ADGRE2: variants seen among roughly 807,000 people sequenced by gnomAD.
ADGRE2 encodes adhesion G protein-coupled receptor E2.
ADGRE2 carries 83 observed loss-of-function variants against 100.8 expected under a neutral mutation model. The ratio of observed to expected loss-of-function variants is 0.82; its 90% CI spans 0.69 to 0.99. ADGRE2 has a LOEUF of 0.99. ADGRE2 is among the 50% of genes least tolerant of loss of function. The pLI is 0.00. For synonymous variants in ADGRE2, 355 were observed against 413.0 expected (o/e 0.86, Z 1.70); for missense variants, 814 against 1,035.7 (o/e 0.79, Z 2.94).
intron 20 of ADGRE2, among the ~76,000 whole-genome samples, chr19:14,740,621 CAAAAAAAAA>C (rs3057546): frequency 8.1e-6 from 1 of 124,058 alleles, no homozygotes; most frequent in Non-Finnish European, 1.7e-5. Context: ...AACTCCGTCT[CAAAAAAAAA>C]AAAAAAAGAA....
chr19:14,769,452 G>A (rs16979867), intron 5 of ADGRE2, among the ~76,000 whole-genome samples: 4,356 of 152,094 alleles, frequency 0.029, 208 homozygotes, highest in African/African-American at 0.1. Flanking sequence ...TGTGACACCA[G>A]GTAGACAAAA....
In ADGRE2 at chr19:14,776,701, C is replaced by G. The variant is rs747962882; in HGVS notation, c.31+25G>C. ...CCGCTGGAGCTTCCTCGCTACCACCCCCAGCGGGGCCCCAAAGTACTTACC... is the reference window on the plus strand; with the variant it reads ...CCGCTGGAGCTTCCTCGCTACCACCGCCAGCGGGGCCCCAAAGTACTTACC... On this transcript the variant is annotated intron_variant, in intron 2 of 20. Coordinates refer to ENST00000315576, the MANE Select transcript of ADGRE2 (RefSeq NM_013447.4). 5.0e-6 allele frequency: 8 copies of G among 1,608,910 alleles called. No homozygotes were observed. The East Asian group carries it at 1.6e-4, about 32-fold the overall frequency.
chr19:14,748,659 G>A (rs572888573), intron 16 of ADGRE2, among the ~76,000 whole-genome samples: 12 of 152,182 alleles, frequency 7.9e-5, no homozygotes, highest in South Asian at 2.1e-4. Context: ...TGTGGACATC[G>A]TTTTCATTTG....
chr19:14,776,650 C>G, intron 2 of ADGRE2, 76 bp downstream of exon 2: 1 of 1,508,078 alleles, frequency 6.6e-7, no homozygotes, highest in Non-Finnish European at 9.0e-7. Context: ...CGGCGCCTCC[C>G]GTTTCTCAGA....
intron 5 of ADGRE2, among the ~76,000 whole-genome samples, chr19:14,770,947 T>C (rs2044184110): frequency 6.6e-6 from 1 of 152,170 alleles, no homozygotes; most frequent in Non-Finnish European, 1.5e-5. Flanking sequence ...CCCAAAGTGC[T>C]GGGATTACAG....
At position 14,753,450 on chromosome 19, in the gene ADGRE2, G is replaced by A. The variant is rs142505719; in HGVS notation, c.1591-924C>T. The stretch of plus-strand genomic sequence containing the variant: ...AAAGGGTGGTTTGGCCCTTTCTCCC[G>A]CAGGATATGATGATGATGTCCCTTG... On this transcript the variant is annotated intron_variant, in intron 14 of 20. Transcript: ENST00000315576. 2.4e-4 allele frequency among the ~76,000 whole-genome samples: 37 copies of A among 152,098 alleles called. No individual in the cohort carries two copies. In the East Asian group the frequency reaches 5.4e-3, roughly 22 times the overall value.
chr19:14,774,593 C>T (rs1440270194), intron 2 of ADGRE2, among the ~76,000 whole-genome samples: 1 of 151,206 alleles, frequency 6.6e-6, no homozygotes, highest in Non-Finnish European at 1.5e-5. Flanking sequence ...ACTGCAGCCT[C>T]CAATTCCTAG....
At position 14,738,630 on chromosome 19, in the gene ADGRE2, G is replaced by A. The variant is rs571300881; in HGVS notation, c.2464-2386C>T. 3.3e-5 allele frequency among the ~76,000 whole-genome samples: 5 copies of A among 151,950 alleles called. No homozygotes were observed. The East Asian group carries it at 5.8e-4, about 18-fold the overall frequency. On this transcript the variant is annotated intron_variant, in intron 20 of 20. Coordinates refer to ENST00000315576, the MANE Select transcript of ADGRE2 (RefSeq NM_013447.4). ...TGAGCTAAAGTGATCTGCCTGCCTC[G>A]GCCTCCCAAAGTGCTGGGATTACAA...
chr19:14,764,662 T>G lies in ADGRE2; in HGVS notation c.907-52A>C, dbSNP rs373487426. 267 of 1,538,056 alleles carry G rather than the reference T, an allele frequency of 1.7e-4. No homozygotes were observed. In the African/African-American group the frequency reaches 3.4e-3, roughly 19 times the overall value. On this transcript the variant is annotated intron_variant, in intron 10 of 20. Coordinates refer to ENST00000315576, the MANE Select transcript of ADGRE2 (RefSeq NM_013447.4). ...TGAGCCATGGGCCAGAGGGCCCGCA[T>G]GAAGACTCCAACCGCTCAGCCCCAG...
At chr19:14,731,426 A>G (rs1186352500), downstream of ADGRE2, 2 of 561,294 alleles carry the variant, frequency 3.6e-6, no homozygotes, top group Non-Finnish European at 6.3e-6. Context: ...GTTCCCCGCA[A>G]GGAGACTAAG....
At chr19:14,729,793 A>G (rs1175146274), downstream of ADGRE2, among the ~76,000 whole-genome samples, 1 of 152,220 alleles carries the variant, frequency 6.6e-6, no homozygotes, top group African/African-American at 2.4e-5. Context: ...AATAATAACT[A>G]TATGAGACGA....
chr19:14,747,384 C>T (rs887381927), intron 16 of ADGRE2, among the ~76,000 whole-genome samples: 1 of 152,118 alleles, frequency 6.6e-6, no homozygotes, highest in Admixed American at 6.6e-5. Context: ...CCTGTATTCC[C>T]AGTTACTTGG....
Position 14,776,744 on chromosome 19 carries a change from C to CGCG in ADGRE2, c.10_12dup (p.Arg4dup), listed in dbSNP as rs1473109064. On this transcript the variant is annotated inframe_insertion, in exon 2 of 21. Coordinates refer to ENST00000315576, the MANE Select transcript of ADGRE2 (RefSeq NM_013447.4). Reference sequence around the variant, plus strand: ...TACTTACCGAGAAAGACGAGAAAGACGCGGCCTCCCATGGTTCCAGCTGAG... The same window carrying CGCG: ...TACTTACCGAGAAAGACGAGAAAGACGCGGCGGCCTCCCATGGTTCCAGCTGAG... 6.2e-7 allele frequency: 1 copy of CGCG among 1,613,476 alleles called. No homozygotes were observed. The highest frequency in any genetic ancestry group is 8.5e-7 in the Non-Finnish European group (1 of 1,179,810).
chr19:14,731,625 G>C (rs567185365), downstream of ADGRE2: 9 of 158,558 alleles, frequency 5.7e-5, no homozygotes, highest in Non-Finnish European at 8.2e-5. Context: ...TTAAAATCCA[G>C]CTGAGAAGCC....
chr19:14,776,274 A>G, intron 2 of ADGRE2: 1 of 169,968 alleles, frequency 5.9e-6, no homozygotes, highest in Non-Finnish European at 1.3e-5. Flanking sequence ...ACAGAGAGAG[A>G]GAGAGAAAGA....
downstream of ADGRE2, chr19:14,731,164 TC>T (rs1405624817): frequency 6.5e-7 from 1 of 1,534,036 alleles, no homozygotes; most frequent in South Asian, 1.2e-5. Context: ...TCCTTATAAT[TC>T]CCTTTTCAGC....
chr19:14,761,583 C>T (rs1366932711), intron 11 of ADGRE2, among the ~76,000 whole-genome samples: 2 of 151,600 alleles, frequency 1.3e-5, no homozygotes, highest in East Asian at 3.9e-4. Flanking sequence ...CAAAGAGCAG[C>T]CTGTAAAATC....
Position 14,736,123 on chromosome 19 carries a change from G to T in ADGRE2, c.*113C>A. 1 of 994,152 alleles carries T rather than the reference G, an allele frequency of 1.0e-6. No homozygotes were observed. 61.6% of individuals were successfully genotyped at this position (994,152 alleles called of 1,614,324 possible). On this transcript the variant is annotated 3_prime_UTR_variant, in exon 21 of 21. Transcript: ENST00000315576. ...ATAACATCCTTCATATTGCTGACAT[G>T]GTGAATTTCTTGAAACACACAGAAC...
At position 14,746,301 on chromosome 19, in the gene ADGRE2, A is replaced by G; in HGVS notation, c.2114T>C (p.Val705Ala). ...IFSVNLVLFL[V>A]TLWILKNRLS... ...TCTGTTTTTCAAAATCCAGAGAGTC[A>G]CCAGAAAGAGAACTAAATTCACCTT... The change falls in exon 18 of 21, where the codon GTG (valine) becomes GCG (alanine). Residue 705 changes from valine to alanine, a missense_variant. Physicochemically the swap from Val to Ala is moderately conservative, Grantham distance 64 (BLOSUM62 0). Transcript: ENST00000315576. 6.2e-7 allele frequency: 1 copy of G among 1,608,164 alleles called. No homozygotes were observed. The highest frequency in any genetic ancestry group is 2.2e-5 in the East Asian group (1 of 44,824).
Sources: gnomAD v4.1 joint callset for allele counts (sites outside exome capture counted in the v4.1 genomes callset) on GRCh38, gnomAD v4.1.1 for gene constraint, MANE v1.5 for transcripts, NCBI Gene and HGNC (gene_info 2026-07-23, HGNC 2026-07-21) for gene names.